C1orf198: variants seen among roughly 807,000 people sequenced by gnomAD.
C1orf198 encodes chromosome 1 open reading frame 198.
In C1orf198, 17 loss-of-function variants were observed where a neutral mutation model predicts 31.4. The observed-to-expected ratio is 0.54, with a 90% CI of 0.37 to 0.81. The LOEUF (loss-of-function observed/expected upper bound fraction) is 0.81, where lower values mean the gene tolerates loss of function less well. Among genes scored for constraint, C1orf198 ranks in the 40% least tolerant of loss-of-function variants. The pLI is 0.00. For synonymous variants in C1orf198, 175 were observed against 193.8 expected, an observed-to-expected ratio of 0.90 and a Z score of 0.81; for missense variants, 401 against 450.3, an observed-to-expected ratio of 0.89 and a Z score of 0.99.
chr1:230,838,087 G>A lies in C1orf198; in HGVS notation c.*1765C>T, dbSNP rs1051898680. On this transcript the variant is annotated 3_prime_UTR_variant, in exon 4 of 4. Coordinates refer to ENST00000366663, the MANE Select transcript of C1orf198 (RefSeq NM_032800.3). This position sits in a 1 kb window ranked among gnomAD's most constrained non-coding sequence, Gnocchi z 4.2. Reference sequence around the variant, plus strand: ...CCCCATGCCCTCCAGGCAGAAGGTGGAGGCAGGTGGCCGCTGATTCTGAGG... The same window carrying A: ...CCCCATGCCCTCCAGGCAGAAGGTGAAGGCAGGTGGCCGCTGATTCTGAGG... 1 of 152,382 alleles carries A rather than the reference G, an allele frequency of 6.6e-6. No homozygotes were observed. Among genetic ancestry groups the A allele is most frequent in the African/African-American group, 2.4e-5 (1 of 41,586 alleles). The allele number at this position is 152,382 out of a possible 1,614,324, so 9.4% of individuals were successfully genotyped here.
chr1:230,868,578 C>G, upstream of C1orf198: 3 of 1,110,902 alleles, frequency 2.7e-6, no homozygotes, highest in Non-Finnish European at 3.3e-6. Context: ...CGCCCCGCCC[C>G]GCGCCACCCG....
At chr1:230,859,830 G>A (rs1669968325) in intron 1 of C1orf198, among the ~76,000 whole-genome samples, 1 of 152,080 alleles carries the variant, frequency 6.6e-6, no homozygotes, top group Non-Finnish European at 1.5e-5. Context: ...AAATGAAACA[G>A]AATTAAAAAT....
Position 230,865,862 on chromosome 1 carries a change from G to A in C1orf198, c.333+2318C>T, listed in dbSNP as rs139313198. On this transcript the variant is annotated intron_variant, in intron 1 of 3. Transcript: ENST00000366663. Reference sequence around the variant, plus strand: ...GTATTTGCATGCTCTGACTTAAAACGTTGCTATGTGAGATAGAAAAACATT... The same window carrying A: ...GTATTTGCATGCTCTGACTTAAAACATTGCTATGTGAGATAGAAAAACATT... Among the ~76,000 whole-genome samples, 181 of 152,320 alleles carry A rather than the reference G, an allele frequency of 1.2e-3. 3 individuals are homozygous for A. The highest frequency in any genetic ancestry group is 0.011 in the Admixed American group (168 of 15,308).
In C1orf198 at chr1:230,839,142, A is replaced by T. The variant is rs538954290; in HGVS notation, c.*710T>A. On this transcript the variant is annotated 3_prime_UTR_variant, in exon 4 of 4. Transcript: ENST00000366663. ...GCCCCATTGTTGATAATCTAGATAC[A>T]AAATAATGAAAAGCTAGTACAAAAC... The T allele has an allele frequency of 2.6e-4, 39 of 152,420 alleles. No individual in the cohort carries two copies. The highest frequency in any genetic ancestry group is 9.4e-4 in the African/African-American group (39 of 41,592). 9.4% of individuals were successfully genotyped at this position (152,420 alleles called of 1,614,324 possible).
At chr1:230,848,570 T>C (rs1335397191) in intron 2 of C1orf198, among the ~76,000 whole-genome samples, 1 of 152,094 alleles carries the variant, frequency 6.6e-6, no homozygotes, top group Admixed American at 6.5e-5. Context: ...CACATAGAAA[T>C]TAAAAATACT....
rs1426283513 is a variant in C1orf198, at chr1:230,868,351, G to A, written c.162C>T (p.Tyr54=). 3.8e-6 allele frequency: 6 copies of A among 1,596,898 alleles called. No homozygotes were observed. The South Asian group carries it at 6.7e-5, about 18-fold the overall frequency. The change falls in exon 1 of 4, where the codon TAC becomes TAT. Residue 54 remains tyrosine, a synonymous_variant. Transcript: ENST00000366663. ...GCGGCAGCCGCGCCCACTCGGGCCC[G>A]TACTTCTCGCGGATCTTCTCCTTGT... The part of the protein sequence containing the change: ...MQDKEKIREK[Y]GPEWARLPPA...
At position 230,866,816 on chromosome 1, in the gene C1orf198, G is replaced by A. The variant is rs191729235; in HGVS notation, c.333+1364C>T. Among the ~76,000 whole-genome samples, 25 of 152,224 alleles carry A rather than the reference G, an allele frequency of 1.6e-4. No individual in the cohort carries two copies. The East Asian group carries it at 4.6e-3, about 28-fold the overall frequency. ...CCCACTGAAAATGTTTCAGCTCTAGGAATACATTTTAAAACCTATATTTTC... is the reference window on the plus strand; with the variant it reads ...CCCACTGAAAATGTTTCAGCTCTAGAAATACATTTTAAAACCTATATTTTC... On this transcript the variant is annotated intron_variant, in intron 1 of 3. Coordinates refer to ENST00000366663, the MANE Select transcript of C1orf198 (RefSeq NM_032800.3).
chr1:230,845,216 TAAAAA>T (rs11355270), intron 2 of C1orf198, among the ~76,000 whole-genome samples: 18 of 117,084 alleles, frequency 1.5e-4, no homozygotes, highest in Non-Finnish European at 2.7e-4. Flanking sequence ...TTAAAAAAAT[TAAAAA>T]AAAAAAAAAA....
In C1orf198 at chr1:230,843,771, G is replaced by C; in HGVS notation, c.510C>G (p.Gly170=). The change falls in exon 3 of 4, where the codon GGC becomes GGG. Residue 170 remains glycine (G), a synonymous_variant. Coordinates refer to ENST00000366663, the MANE Select transcript of C1orf198 (RefSeq NM_032800.3). This position sits in a 1 kb window ranked among gnomAD's most constrained non-coding sequence, Gnocchi z 4.9. ...QGSQALKSSQ[G]SRSSSLDALG... is the part of the protein sequence containing the mutation. ...GGGCGTCCAGGCTGGAGGACCTGCT[G>C]CCTTGGGAGGACTTGAGGGCCTGGG... 1 of 1,612,416 alleles carries C rather than the reference G, an allele frequency of 6.2e-7. No individual in the cohort carries two copies. The highest frequency in any genetic ancestry group is 8.5e-7 in the Non-Finnish European group (1 of 1,178,840).
In C1orf198 at chr1:230,843,233, G is replaced by A. The variant is rs1669493601; in HGVS notation, c.927+121C>T. On this transcript the variant is annotated intron_variant, in intron 3 of 3. Coordinates refer to ENST00000366663, the MANE Select transcript of C1orf198 (RefSeq NM_032800.3). The surrounding 1 kb of genome is among the most constrained non-coding windows in gnomAD (Gnocchi z 4.9). ...CTAGGCATCCTCTGAGGAAGAGGCAGGGGAAGGAGAAGAAAAAGAGCATGG... is the reference window on the plus strand; with the variant it reads ...CTAGGCATCCTCTGAGGAAGAGGCAAGGGAAGGAGAAGAAAAAGAGCATGG... 8.4e-7 allele frequency: 1 copy of A among 1,187,686 alleles called. No homozygotes were observed. Among genetic ancestry groups the A allele is most frequent in the South Asian group, 1.6e-5 (1 of 63,420 alleles). The allele number at this position is 1,187,686 out of a possible 1,614,324, so 73.6% of individuals were successfully genotyped here. A position where few individuals can be genotyped will look rare whatever the true frequency, so the allele number is the denominator to read the frequency against.
chr1:230,855,706 G>C lies in C1orf198; in HGVS notation c.346C>G (p.Gln116Glu). 1 of 1,612,898 alleles carries C rather than the reference G, an allele frequency of 6.2e-7. No individual in the cohort carries two copies. ...VRFGDEDLTW[Q>E]DEHSAPFSWE... ...GAGAAAGGGGCAGAGTGCTCATCTT[G>C]CCAAGTTAGATCCTGAAATAAAAAA... The change falls in exon 2 of 4, where the codon CAA (glutamine) becomes GAA (glutamate). Residue 116 changes from glutamine (Q) to glutamate (E), a missense_variant. Gln to Glu is a conservative substitution (Grantham distance 29). Coordinates refer to ENST00000366663, the MANE Select transcript of C1orf198 (RefSeq NM_032800.3).
chr1:230,861,433 C>T (rs75495069), intron 1 of C1orf198, among the ~76,000 whole-genome samples: 8 of 152,196 alleles, frequency 5.3e-5, no homozygotes, highest in African/African-American at 1.4e-4. Context: ...AGAAACTCAT[C>T]ATTTCAATAC....
chr1:230,853,254 T>TA (rs1412523147), intron 2 of C1orf198, among the ~76,000 whole-genome samples: 1 of 152,148 alleles, frequency 6.6e-6, no homozygotes, highest in Non-Finnish European at 1.5e-5. Context: ...AGAGAACTGA[T>TA]AGAGTGAGGA....
At chr1:230,865,405 C>T (rs1345137293) in intron 1 of C1orf198, among the ~76,000 whole-genome samples, 2 of 152,190 alleles carry the variant, frequency 1.3e-5, no homozygotes, top group Non-Finnish European at 2.9e-5. Flanking sequence ...CATATGTTCA[C>T]ACGTGGGGAT....
chr1:230,843,639 C>T lies in C1orf198; in HGVS notation c.642G>A (p.Gln214=). 6.2e-7 allele frequency: 1 copy of T among 1,614,252 alleles called. No homozygotes were observed. Among genetic ancestry groups the T allele is most frequent in the Non-Finnish European group, 8.5e-7 (1 of 1,180,058 alleles). Residue 214 remains glutamine, a synonymous_variant, in exon 3 of 4, where the codon CAG becomes CAA. Transcript: ENST00000366663. This position sits in a 1 kb window ranked among gnomAD's most constrained non-coding sequence, Gnocchi z 4.9. ...TTTCCCCCTTCTCCATGGACTTGAT[C>T]TGGCTAGGGGTCAGCGACTGGAACT... ...EAEFQSLTPS[Q]IKSMEKGEKV...
At position 230,838,790 on chromosome 1, in the gene C1orf198, A is replaced by T. The variant is rs1423081228; in HGVS notation, c.*1062T>A. Reference sequence around the variant, plus strand: ...TTGGTGTCTGCACCAGCTCCAAGAGATACTGCTGCTCTGACACCACGCAGG... The same window carrying T: ...TTGGTGTCTGCACCAGCTCCAAGAGTTACTGCTGCTCTGACACCACGCAGG... On this transcript the variant is annotated 3_prime_UTR_variant, in exon 4 of 4. Transcript: ENST00000366663. This position sits in a 1 kb window ranked among gnomAD's most constrained non-coding sequence, Gnocchi z 4.2. 6.6e-6 allele frequency: 1 copy of T among 152,622 alleles called. No individual in the cohort carries two copies. The highest frequency in any genetic ancestry group is 2.4e-5 in the African/African-American group (1 of 41,424). 9.5% of individuals were successfully genotyped at this position (152,622 alleles called of 1,614,324 possible). A position where few individuals can be genotyped will look rare whatever the true frequency, so the allele number is the denominator to read the frequency against.
intron 1 of C1orf198, among the ~76,000 whole-genome samples, chr1:230,865,907 A>G (rs1348252721): frequency 6.6e-6 from 1 of 152,232 alleles, no homozygotes; most frequent in Non-Finnish European, 1.5e-5. Flanking sequence ...GGGGGAGAGG[A>G]TACCATTCAA....
At chr1:230,867,518 A>T (rs750833850) in intron 1 of C1orf198, among the ~76,000 whole-genome samples, 1 of 152,126 alleles carries the variant, frequency 6.6e-6, no homozygotes, top group Non-Finnish European at 1.5e-5. Context: ...TTTTGGTGGA[A>T]AACAGGGCCA....
In C1orf198 at chr1:230,840,443, G is replaced by T. The variant is rs376128377; in HGVS notation, c.928-535C>A. 6.6e-6 allele frequency among the ~76,000 whole-genome samples: 1 copy of T among 152,176 alleles called. No individual in the cohort carries two copies. Among genetic ancestry groups the T allele is most frequent in the East Asian group, 1.9e-4 (1 of 5,194 alleles). On this transcript the variant is annotated intron_variant, in intron 3 of 3. Coordinates refer to ENST00000366663, the MANE Select transcript of C1orf198 (RefSeq NM_032800.3). The surrounding 1 kb of genome is among the most constrained non-coding windows in gnomAD (Gnocchi z 4.0). ...TAAGCTCAGCCTCCGGGGCTCAAGC[G>T]ATCCTCTTGCCTCGGCCTCCCACGT...
Sources: allele counts gnomAD v4.1 joint callset (sites outside exome capture counted in the v4.1 genomes callset), GRCh38; gene constraint gnomAD v4.1.1; non-coding constraint Gnocchi (gnomAD v3.1); transcripts MANE v1.5; gene names NCBI Gene and HGNC (gene_info 2026-07-23, HGNC 2026-07-21).